Variants in CNTNAP2 observed in about 807,000 individuals in gnomAD.
CNTNAP2 encodes the protein contactin-associated protein-like 2.
In CNTNAP2, 98 loss-of-function variants were observed where a neutral mutation model predicts 155.2. The ratio of observed to expected loss-of-function variants is 0.63; its 90% CI spans 0.54 to 0.75. The LOEUF (loss-of-function observed/expected upper bound fraction) is 0.75, where lower values mean the gene tolerates loss of function less well. Ranked by LOEUF, CNTNAP2 falls within the 30% of genes least tolerant of loss-of-function variation. CNTNAP2 has a pLI of 0.00. For synonymous variants in CNTNAP2, 651 were observed against 631.2 expected, an observed-to-expected ratio of 1.03 and a Z score of -0.47; for missense variants, 1,727 against 1,688.1, an observed-to-expected ratio of 1.02 and a Z score of -0.40.
intron 1 of CNTNAP2, among the ~76,000 whole-genome samples, chr7:146,608,278 C>T (rs928353035): frequency 6.6e-6 from 1 of 152,156 alleles, no homozygotes; most frequent in African/African-American, 2.4e-5. Flanking sequence ...GGCCAAGGCA[C>T]ATGCTTATAC....
At chr7:147,066,707 G>A (rs572354102) in intron 4 of CNTNAP2, among the ~76,000 whole-genome samples, 2 of 152,246 alleles carry the variant, frequency 1.3e-5, no homozygotes, top group African/African-American at 2.4e-5. Context: ...TAATTAAACA[G>A]GTTTGCTTTC....
intron 12 of CNTNAP2, among the ~76,000 whole-genome samples, chr7:147,622,617 A>G (rs942688342): frequency 1.3e-5 from 2 of 152,008 alleles, no homozygotes; most frequent in Non-Finnish European, 2.9e-5. Flanking sequence ...CAAAAAATCT[A>G]TGGGATACGA....
chr7:146,941,059 C>T (rs1322422173), intron 3 of CNTNAP2, among the ~76,000 whole-genome samples: 1 of 151,770 alleles, frequency 6.6e-6, no homozygotes, highest in Non-Finnish European at 1.5e-5. Context: ...TTTTTTAAAC[C>T]ATTCAGCCAC....
At chr7:148,078,067 G>GT (rs1376628327) in intron 15 of CNTNAP2, among the ~76,000 whole-genome samples, 1 of 149,950 alleles carries the variant, frequency 6.7e-6, no homozygotes, top group Non-Finnish European at 1.5e-5. Context: ...CATAATCATT[G>GT]TTTTGTTTTT....
intron 8 of CNTNAP2, among the ~76,000 whole-genome samples, chr7:147,251,270 A>G (rs913275683): frequency 6.6e-6 from 1 of 152,144 alleles, no homozygotes; most frequent in African/African-American, 2.4e-5. Context: ...CTCTGCCCAC[A>G]TTAAAATCTC....
chr7:148,161,129 A>G (rs1805528144), intron 17 of CNTNAP2, among the ~76,000 whole-genome samples: 1 of 152,162 alleles, frequency 6.6e-6, no homozygotes, highest in Admixed American at 6.5e-5. Context: ...ACTAATTCTT[A>G]TTCTTATAGT....
intron 13 of CNTNAP2, among the ~76,000 whole-genome samples, chr7:147,842,379 G>T (rs936849330): frequency 2.6e-5 from 4 of 152,052 alleles, no homozygotes; most frequent in Admixed American, 1.3e-4. Context: ...GAATCACAGT[G>T]TTATATTTAT....
intron 15 of CNTNAP2, among the ~76,000 whole-genome samples, chr7:147,978,884 T>C (rs563925322): frequency 6.6e-6 from 1 of 152,296 alleles, no homozygotes; most frequent in Non-Finnish European, 1.5e-5. Context: ...TTGTCTTAGC[T>C]GTGGTAATGA....
chr7:146,250,450 G>A (rs1308746872), intron 1 of CNTNAP2, among the ~76,000 whole-genome samples: 2 of 152,176 alleles, frequency 1.3e-5, no homozygotes, highest in Non-Finnish European at 2.9e-5. Context: ...TAGAGAGCAA[G>A]GCAGACTTGT....
intron 8 of CNTNAP2, among the ~76,000 whole-genome samples, chr7:147,187,329 A>G (rs760113136): frequency 3.3e-5 from 5 of 152,176 alleles, no homozygotes; most frequent in East Asian, 3.9e-4. Context: ...GAGTAGACTC[A>G]TTAATCAATG....
intron 2 of CNTNAP2, among the ~76,000 whole-genome samples, chr7:146,823,410 A>T (rs565877534): frequency 8.1e-6 from 1 of 124,086 alleles, no homozygotes; most frequent in Admixed American, 7.8e-5. Flanking sequence ...TTTCCATGTA[A>T]ATATACTCAT....
intron 13 of CNTNAP2, among the ~76,000 whole-genome samples, chr7:147,715,404 GTTTCCAT>G (rs1796467256): frequency 6.6e-6 from 1 of 152,002 alleles, no homozygotes; most frequent in African/African-American, 2.4e-5. Context: ...TTTTGTTGTG[GTTTCCAT>G]TTTAATTTCT....
intron 1 of CNTNAP2, among the ~76,000 whole-genome samples, chr7:146,590,966 C>T (rs690254): frequency 0.8 from 122,378 of 152,066 alleles, 49,769 homozygotes; most frequent in South Asian, 0.88. Flanking sequence ...TGTGACTAAG[C>T]ATAAGAAAAT....
intron 2 of CNTNAP2, among the ~76,000 whole-genome samples, chr7:146,826,693 T>C (rs1440500263): frequency 2.0e-5 from 3 of 152,068 alleles, no homozygotes; most frequent in Admixed American, 6.6e-5. Context: ...AATTCCACAC[T>C]CCTTTCCTAG....
intron 3 of CNTNAP2, among the ~76,000 whole-genome samples, chr7:146,932,461 C>G (rs1585165640): frequency 1.3e-5 from 2 of 152,164 alleles, no homozygotes; most frequent in South Asian, 4.1e-4. Flanking sequence ...CTATCTATGA[C>G]AAACCCACAG....
chr7:147,441,852 C>CTCTCTCTCT (rs1797645195), intron 10 of CNTNAP2, among the ~76,000 whole-genome samples: 7 of 37,666 alleles, frequency 1.9e-4, no homozygotes, highest in South Asian at 1.4e-3. Context: ...TCTCTCTCTC[C>CTCTCTCTCT]CTCCCTCCCT....
chr7:147,171,056 T>C (rs1802216506), intron 8 of CNTNAP2, among the ~76,000 whole-genome samples: 1 of 152,120 alleles, frequency 6.6e-6, no homozygotes, highest in Admixed American at 6.5e-5. Context: ...CCCGCCTCTA[T>C]CAAATCTCCC....
At chr7:146,558,026 T>C (rs1051493558) in intron 1 of CNTNAP2, among the ~76,000 whole-genome samples, 1 of 152,162 alleles carries the variant, frequency 6.6e-6, no homozygotes, top group African/African-American at 2.4e-5. Flanking sequence ...AACCTTTGTG[T>C]TTTTTAGTAC....
At position 147,461,813 on chromosome 7, in the gene CNTNAP2, G is replaced by A. The variant is rs533039514; in HGVS notation, c.1671-24122G>A. ...ACAGTAGAATCATTGGTGCAGTCTT[G>A]ATTTCTTAACTTAAAACTAAAATTA... On this transcript the variant is annotated intron_variant, in intron 10 of 23. Coordinates refer to ENST00000361727, the MANE Select transcript of CNTNAP2 (RefSeq NM_014141.6). Among the ~76,000 whole-genome samples the A allele has an allele frequency of 1.4e-4, 21 of 152,256 alleles. No homozygotes were observed. In the South Asian group the frequency reaches 2.7e-3, roughly 20 times the overall value.
Sources: allele counts gnomAD v4.1 joint callset (sites outside exome capture counted in the v4.1 genomes callset), GRCh38; gene constraint gnomAD v4.1.1; transcripts MANE v1.5; gene names NCBI Gene and HGNC (gene_info 2026-07-23, HGNC 2026-07-21).